Variants in PRAMEF2 observed in about 807,000 individuals in gnomAD.
PRAMEF2 encodes PRAME family member 2.
PRAMEF2 carries 35 observed loss-of-function variants against 38.0 expected under a neutral mutation model. The observed-to-expected ratio is 0.92, with a 90% CI of 0.70 to 1.22. The LOEUF (loss-of-function observed/expected upper bound fraction) is 1.22, where lower values mean the gene tolerates loss of function less well. PRAMEF2 is among the 50% of genes most tolerant of loss of function. PRAMEF2 has a pLI of 0.00. For missense variants in PRAMEF2, 562 were observed against 553.9 expected (o/e 1.01, Z -0.15); for synonymous variants, 240 against 232.4 (o/e 1.03, Z -0.30).
rs1640558411 is a variant in PRAMEF2 at position 12,861,731 on chromosome 1, C to T, written c.1377C>T (p.Ser459=). The T allele has an allele frequency of 6.3e-7, 1 of 1,593,308 alleles. No individual in the cohort carries two copies. ...RIFIGPTPCP[S]CGSSPSEELE... The stretch of plus-strand genomic sequence containing the variant: ...TCATTGGCCCCACCCCCTGCCCTTC[C>T]TGTGGCTCATCACCGTCTGAGGAAC... Residue 459 remains serine, a synonymous_variant, in exon 4 of 4, where the codon TCC becomes TCT. Coordinates refer to ENST00000240189, the MANE Select transcript of PRAMEF2 (RefSeq NM_023014.1).
Position 12,861,366 on chromosome 1 carries a change from G to A in PRAMEF2, c.1012G>A (p.Glu338Lys). The A allele has an allele frequency of 6.2e-7, 1 of 1,606,256 alleles. No individual in the cohort carries two copies. Among genetic ancestry groups the A allele is most frequent in the South Asian group, 1.1e-5 (1 of 90,450 alleles). ...CGTGCTGCTGTTCCGCATCAGTCTT[G>A]AACCCCTAGGAGCTCTGCTAGAGAA... ...SYVLLFRISLEPLGALLEKIA... is the reference protein window; with the variant it reads ...SYVLLFRISLKPLGALLEKIA... The change falls in exon 4 of 4, where the codon GAA becomes AAA. Residue 338 changes from glutamate (E) to lysine (K), a missense_variant. Physicochemically the swap from Glu to Lys is moderately conservative, Grantham distance 56 (BLOSUM62 1). This residue lies in a region of PRAMEF2 where 486 missense variants were observed against 444.2 expected (regional missense o/e 1.09). Transcript: ENST00000240189.
rs532446415 is a variant in PRAMEF2 at position 12,859,348 on chromosome 1, A to G, written c.287+52A>G. On this transcript the variant is annotated intron_variant, in intron 2 of 3. Coordinates refer to ENST00000240189, the MANE Select transcript of PRAMEF2 (RefSeq NM_023014.1). ...ATAGGGCTCAGGTGTCCAGGGAAAG[A>G]ACAGCAGGGTCAGGCAGAGAAGTAA... 11 of 1,606,114 alleles carry G rather than the reference A, an allele frequency of 6.8e-6. 1 individual carries two copies. In the East Asian group the frequency reaches 2.2e-4, roughly 33 times the overall value.
rs553285373 is a variant in PRAMEF2, at chr1:12,859,289, C to A, written c.280C>A (p.Arg94Ser). 2 of 1,609,816 alleles carry A rather than the reference C, an allele frequency of 1.2e-6. No individual in the cohort carries two copies. The highest frequency in any genetic ancestry group is 2.2e-5 in the East Asian group (1 of 44,826). ...GLHMLLTQKD[R>S]PRRWKLQVLD... The stretch of plus-strand genomic sequence containing the variant: ...TCATATGCTGCTTACACAGAAGGAT[C>A]GCCCCAGGTGAGGTGACCCAGGAGG... Residue 94 changes from arginine (R) to serine (S), a missense_variant, in exon 2 of 4, where the codon CGC (arginine) becomes AGC (serine). Arg to Ser is a moderately radical substitution (Grantham distance 110). Transcript: ENST00000240189.
intron 2 of PRAMEF2, 71 bp from the exon 3 acceptor site, chr1:12,859,622 G>C: frequency 6.3e-7 from 1 of 1,591,900 alleles, no homozygotes; most frequent in Non-Finnish European, 8.6e-7. Context: ...TGATTTATGG[G>C]ATGAGAATGA....
At chr1:12,858,142 C>A (rs1468053989) in intron 1 of PRAMEF2, among the ~76,000 whole-genome samples, 1 of 150,072 alleles carries the variant, frequency 6.7e-6, no homozygotes, top group Non-Finnish European at 1.5e-5. Context: ...CTGAGCTGGG[C>A]TCCCTGGAAA....
At position 12,859,157 on chromosome 1, in the gene PRAMEF2, C is replaced by T. The variant is rs146026021; in HGVS notation, c.148C>T (p.Gln50Ter). The T allele has an allele frequency of 2.0e-4, 326 of 1,607,990 alleles. 10 individuals are homozygous for T. The African/African-American group carries it at 4.0e-3, about 20-fold the overall frequency. The change falls in exon 2 of 4, where the codon CAG (glutamine) becomes TAG (stop). Residue 50 changes from glutamine (Q) to a stop codon, truncating the protein, a stop_gained. Transcript: ENST00000240189. LOFTEE classifies it high-confidence loss of function. ...FREAFSRRHF[Q>*]TLTVMVQAWP... is the part of the protein sequence containing the mutation. ...GGAGGCCTTCAGCAGGAGACACTTC[C>T]AGACTCTGACGGTGATGGTGCAGGC...
chr1:12,859,160 A>T lies in PRAMEF2; in HGVS notation c.151A>T (p.Thr51Ser). ...GGCCTTCAGCAGGAGACACTTCCAG[A>T]CTCTGACGGTGATGGTGCAGGCCTG... Reference protein sequence around the residue: ...REAFSRRHFQTLTVMVQAWPF... With the variant: ...REAFSRRHFQSLTVMVQAWPF... The change falls in exon 2 of 4, where the codon ACT becomes TCT. Residue 51 changes from threonine to serine, a missense_variant. By Grantham distance (58) the Thr-to-Ser change is moderately conservative. Coordinates refer to ENST00000240189, the MANE Select transcript of PRAMEF2 (RefSeq NM_023014.1). 6.2e-7 allele frequency: 1 copy of T among 1,607,918 alleles called. No homozygotes were observed. Among genetic ancestry groups the T allele is most frequent in the Non-Finnish European group, 8.5e-7 (1 of 1,177,184 alleles).
intron 1 of PRAMEF2, among the ~76,000 whole-genome samples, chr1:12,858,680 A>C (rs148260178): frequency 0.047 from 6,977 of 149,488 alleles, 102 homozygotes; most frequent in East Asian, 0.23. Context: ...TTCCTCAAAG[A>C]GGTAGAGCTT....
chr1:12,861,663 C>A lies in PRAMEF2; in HGVS notation c.1309C>A (p.Leu437Met). 6.3e-7 allele frequency: 1 copy of A among 1,587,270 alleles called. No homozygotes were observed. Among genetic ancestry groups the A allele is most frequent in the Non-Finnish European group, 8.6e-7 (1 of 1,164,432 alleles). The change falls in exon 4 of 4, where the codon CTG (leucine) becomes ATG (methionine). Residue 437 changes from leucine (L) to methionine (M), a missense_variant. This residue lies in a region of PRAMEF2 where 76 missense variants were observed against 109.6 expected (regional missense o/e 0.69). Transcript: ENST00000240189. ...GATCTTCACCCCACTTCGGGCTGAG[C>A]TGATGTGTACACTGAGGGAATTCAG... Reference protein sequence around the residue: ...WEIFTPLRAELMCTLREFRQP... With the variant: ...WEIFTPLRAEMMCTLREFRQP...
At position 12,857,566 on chromosome 1, in the gene PRAMEF2, G is replaced by C. The variant is rs1047979844; in HGVS notation, c.-26+419G>C. ...AAGAGTGCAGTTTTGCTCAGATTGT[G>C]GGATTTATTTTTGACCCTAGGATCG... On this transcript the variant is annotated intron_variant, in intron 1 of 3. Transcript: ENST00000240189. 2.1e-5 allele frequency among the ~76,000 whole-genome samples: 3 copies of C among 140,880 alleles called. 1 individual carries two copies. The highest frequency in any genetic ancestry group is 8.3e-5 in the African/African-American group (3 of 36,092). 92.4% of individuals were successfully genotyped at this position (140,880 alleles called of 152,430 possible).
Position 12,861,864 on chromosome 1 carries a change from A to C in PRAMEF2, c.*85A>C, listed in dbSNP as rs1362984871. ...AAAATCTACTATGTAGGTGCAAACT[A>C]TTTTTCTCTTTTCTTATTTATTTCA... On this transcript the variant is annotated 3_prime_UTR_variant, in exon 4 of 4. Coordinates refer to ENST00000240189, the MANE Select transcript of PRAMEF2 (RefSeq NM_023014.1). 2.7e-6 allele frequency: 4 copies of C among 1,506,936 alleles called. No homozygotes were observed. Among genetic ancestry groups the C allele is most frequent in the Non-Finnish European group, 1.8e-6 (2 of 1,126,926 alleles). 93.3% of individuals were successfully genotyped at this position (1,506,936 alleles called of 1,614,324 possible). A position where few individuals can be genotyped will look rare whatever the true frequency, so the allele number is the denominator to read the frequency against.
chr1:12,858,947 C>T (rs1164114680), intron 1 of PRAMEF2, 38 bp from the exon 2 acceptor site: 1 of 1,567,504 alleles, frequency 6.4e-7, no homozygotes, highest in African/African-American at 1.4e-5. Context: ...TTGTGTTTGC[C>T]CTGAGAGTGA....
chr1:12,861,299 G>C lies in PRAMEF2; in HGVS notation c.945G>C (p.Gln315His), dbSNP rs561106370. ...AAGAGGACTTGAAGTGTCTCTCCCA[G>C]TTCCCAAGCCTCGGTTACCTAAAGC... is the stretch of plus-strand genomic sequence containing the variant. ...LLEEDLKCLS[Q>H]FPSLGYLKHL... Residue 315 changes from glutamine to histidine, a missense_variant, in exon 4 of 4, where the codon CAG becomes CAC. Physicochemically the swap from Gln to His is conservative, Grantham distance 24 (BLOSUM62 0). Transcript: ENST00000240189. 1.2e-6 allele frequency: 2 copies of C among 1,607,332 alleles called. No homozygotes were observed. The highest frequency in any genetic ancestry group is 1.7e-6 in the Non-Finnish European group (2 of 1,176,760).
In PRAMEF2 at chr1:12,860,065, G is replaced by C; in HGVS notation, c.660G>C (p.Leu220=). 1 of 1,606,750 alleles carries C rather than the reference G, an allele frequency of 6.2e-7. No individual in the cohort carries two copies. Among genetic ancestry groups the C allele is most frequent in the Non-Finnish European group, 8.5e-7 (1 of 1,176,516 alleles). The change falls in exon 3 of 4, where the codon CTG becomes CTC. Residue 220 remains leucine, a synonymous_variant. Coordinates refer to ENST00000240189, the MANE Select transcript of PRAMEF2 (RefSeq NM_023014.1). ...TTCACAACACGTGCTGGCCACATCT[G>C]ATAAGAAAGCTTTATTGTTACCTGA... is the stretch of plus-strand genomic sequence containing the variant. ...LEIHNTCWPH[L]IRKLYCYLKE...
In PRAMEF2 at chr1:12,859,199, C is replaced by G. The variant is rs1394188992; in HGVS notation, c.190C>G (p.Leu64Val). 6.2e-7 allele frequency: 1 copy of G among 1,609,664 alleles called. No homozygotes were observed. The highest frequency in any genetic ancestry group is 8.5e-7 in the Non-Finnish European group (1 of 1,178,296). The change falls in exon 2 of 4, where the codon CTC (leucine) becomes GTC (valine). Residue 64 changes from leucine (L) to valine (V), a missense_variant. Leu to Val is a conservative substitution (Grantham distance 32, BLOSUM62 1). Coordinates refer to ENST00000240189, the MANE Select transcript of PRAMEF2 (RefSeq NM_023014.1). ...GGTGCAGGCCTGGCCTTTCACCTGC[C>G]TCCCTCTGGTATCGCTGATGAAGAC... ...VMVQAWPFTC[L>V]PLVSLMKTLH...
rs1250401171 is a variant in PRAMEF2, at chr1:12,859,767, C to T, written c.362C>T (p.Ala121Val). ...NFWARWPGAWALSCFPEAMSK... is the reference protein window; with the variant it reads ...NFWARWPGAWVLSCFPEAMSK... The stretch of plus-strand genomic sequence containing the variant: ...TGGGCCAGATGGCCTGGAGCCTGGG[C>T]CCTGTCCTGCTTCCCAGAGGCCATG... Residue 121 changes from alanine (A) to valine (V), a missense_variant, in exon 3 of 4, where the codon GCC (alanine) becomes GTC (valine). Physicochemically the swap from Ala to Val is moderately conservative, Grantham distance 64. Transcript: ENST00000240189. The T allele has an allele frequency of 2.5e-6, 4 of 1,606,526 alleles. 1 individual carries two copies. In the East Asian group the frequency reaches 8.9e-5, roughly 36 times the overall value.
Position 12,861,241 on chromosome 1 carries a change from A to T in PRAMEF2, c.887A>T (p.Glu296Val). Reference protein sequence around the residue: ...QLIRCLQNPLENLELTCGNLL... With the variant: ...QLIRCLQNPLVNLELTCGNLL... The stretch of plus-strand genomic sequence containing the variant: ...CACAGGTGCCTCCAGAACCCCTTGG[A>T]GAACTTGGAATTAACTTGTGGCAAC... The change falls in exon 4 of 4, where the codon GAG becomes GTG. Residue 296 changes from glutamate to valine, a missense_variant. Glu to Val is a moderately radical substitution (Grantham distance 121, BLOSUM62 -2). Transcript: ENST00000240189. 6.2e-7 allele frequency: 1 copy of T among 1,607,602 alleles called. No homozygotes were observed. The highest frequency in any genetic ancestry group is 8.5e-7 in the Non-Finnish European group (1 of 1,176,696).
Position 12,860,132 on chromosome 1 carries a change from C to G in PRAMEF2, c.727C>G (p.His243Asp), listed in dbSNP as rs764996645. ...TLCKLVFSRC[H>D]HYTSDNELEG... The stretch of plus-strand genomic sequence containing the variant: ...TTGCAAACTCGTTTTCTCCAGGTGC[C>G]ATCATTACACGTCAGATAATGAACT... Residue 243 changes from histidine (H) to aspartate (D), a missense_variant, in exon 3 of 4, where the codon CAT (histidine) becomes GAT (aspartate). His to Asp is a moderately conservative substitution (Grantham distance 81, BLOSUM62 -1). This residue lies in a region of PRAMEF2 where 486 missense variants were observed against 444.2 expected (regional missense o/e 1.09). Coordinates refer to ENST00000240189, the MANE Select transcript of PRAMEF2 (RefSeq NM_023014.1). 2 of 1,606,756 alleles carry G rather than the reference C, an allele frequency of 1.2e-6. No homozygotes were observed. The highest frequency in any genetic ancestry group is 1.7e-6 in the Non-Finnish European group (2 of 1,176,468).
chr1:12,859,533 T>C (rs1438133231), intron 2 of PRAMEF2, among the ~76,000 whole-genome samples, 160 bp from the exon 3 acceptor site: 1 of 150,974 alleles, frequency 6.6e-6, no homozygotes. Flanking sequence ...GGAATAGAAG[T>C]GGGGACCACT....
Sources: allele counts gnomAD v4.1 joint callset (sites outside exome capture counted in the v4.1 genomes callset), GRCh38; gene constraint gnomAD v4.1.1; regional missense constraint gnomAD v4.1.1; transcripts MANE v1.5; gene names NCBI Gene and HGNC (gene_info 2026-07-23, HGNC 2026-07-21).